TMEM45B: variants seen among roughly 807,000 people sequenced by gnomAD.
TMEM45B encodes transmembrane protein 45B.
Under a neutral mutation model 27.3 loss-of-function variants are expected in TMEM45B, and 29 were observed. The observed-to-expected ratio is 1.06, with a 90% CI of 0.79 to 1.45. TMEM45B has a LOEUF of 1.45. Ranked by LOEUF, TMEM45B falls within the 40% of genes most tolerant of loss-of-function variation. The pLI, the probability that TMEM45B is intolerant of heterozygous loss-of-function variation, is 0.00. For synonymous variants in TMEM45B, 143 were observed against 134.7 expected (o/e 1.06, Z -0.43); for missense variants, 348 against 343.9 (o/e 1.01, Z -0.09).
intron 1 of TMEM45B, among the ~76,000 whole-genome samples, chr11:129,835,855 C>T (rs763085675): frequency 2.6e-5 from 4 of 152,182 alleles, no homozygotes; most frequent in Non-Finnish European, 5.9e-5. Flanking sequence ...CAGTGGCTCA[C>T]GCCTGTAATC....
chr11:129,830,045 C>T (rs1266174726), intron 1 of TMEM45B, among the ~76,000 whole-genome samples: 1 of 152,204 alleles, frequency 6.6e-6, no homozygotes, highest in Non-Finnish European at 1.5e-5. Context: ...CAAAATAGAT[C>T]AGAGGTCAGG....
At chr11:129,830,757 T>C (rs911982636) in intron 1 of TMEM45B, among the ~76,000 whole-genome samples, 1 of 152,176 alleles carries the variant, frequency 6.6e-6, no homozygotes, top group Non-Finnish European at 1.5e-5. Context: ...AAAATACCAC[T>C]TCATACCCAC....
intron 5 of TMEM45B, among the ~76,000 whole-genome samples, chr11:129,857,715 A>G (rs1225162852): frequency 6.6e-6 from 1 of 152,198 alleles, no homozygotes; most frequent in Non-Finnish European, 1.5e-5. Context: ...TTTTAAGCCT[A>G]TGGTGTGGTG....
intron 1 of TMEM45B, among the ~76,000 whole-genome samples, chr11:129,820,190 C>G (rs1338894742): frequency 1.3e-5 from 2 of 152,002 alleles, no homozygotes; most frequent in Non-Finnish European, 2.9e-5. Context: ...TAGCAGGCGC[C>G]TATAGTCCCA....
chr11:129,827,975 A>C (rs1947505947), intron 1 of TMEM45B, among the ~76,000 whole-genome samples: 1 of 152,020 alleles, frequency 6.6e-6, no homozygotes, highest in South Asian at 2.1e-4. Context: ...GTCTCAAAAA[A>C]AAGAAACAAA....
chr11:129,822,903 C>T (rs1261644973), intron 1 of TMEM45B, among the ~76,000 whole-genome samples: 6 of 148,852 alleles, frequency 4.0e-5, no homozygotes, highest in Non-Finnish European at 7.4e-5. Flanking sequence ...TGCAGTGGCG[C>T]GATCTCAGCT....
intron 1 of TMEM45B, among the ~76,000 whole-genome samples, chr11:129,845,887 C>T (rs1404201922): frequency 6.6e-6 from 1 of 152,020 alleles, no homozygotes; most frequent in Non-Finnish European, 1.5e-5. Context: ...CTGGAAGCTG[C>T]AGCAAAAGGT....
At position 129,859,117 on chromosome 11, in the gene TMEM45B, G is replaced by A. The variant is rs1174136480; in HGVS notation, c.*432G>A. 1.3e-5 allele frequency: 2 copies of A among 152,374 alleles called. No homozygotes were observed. Among genetic ancestry groups the A allele is most frequent in the African/African-American group, 2.4e-5 (1 of 41,428 alleles). The allele number at this position is 152,374 out of a possible 1,614,324, so 9.4% of individuals were successfully genotyped here. On this transcript the variant is annotated 3_prime_UTR_variant, in exon 6 of 6. Coordinates refer to ENST00000281441, the MANE Select transcript of TMEM45B (RefSeq NM_138788.5). Reference sequence around the variant, plus strand: ...GCAGGTACTTTCTTATTAGAAATATGTTAGAATGTGTAAGCAAACGACAGT... The same window carrying A: ...GCAGGTACTTTCTTATTAGAAATATATTAGAATGTGTAAGCAAACGACAGT...
chr11:129,854,572 C>T (rs376108459), intron 2 of TMEM45B, 38 bp from the exon 3 acceptor site: 2 of 1,596,192 alleles, frequency 1.3e-6, no homozygotes, highest in Admixed American at 3.4e-5. Flanking sequence ...CTTAGAGCTA[C>T]TCTTCCCTCT....
chr11:129,821,953 GGTT>G (rs2135551745), intron 1 of TMEM45B, among the ~76,000 whole-genome samples: 1 of 152,068 alleles, frequency 6.6e-6, no homozygotes, highest in East Asian at 1.9e-4. Context: ...AGTTCTGAGT[GGTT>G]TTCTTCTGTT....
chr11:129,845,340 T>C (rs1316475314), intron 1 of TMEM45B, among the ~76,000 whole-genome samples: 1 of 66,708 alleles, frequency 1.5e-5, no homozygotes, highest in Admixed American at 1.6e-4. Context: ...ATTATAGATG[T>C]GTGTGTGTGT....
intron 1 of TMEM45B, among the ~76,000 whole-genome samples, chr11:129,835,155 A>G (rs1164751165): frequency 1.3e-5 from 2 of 152,226 alleles, no homozygotes; most frequent in Non-Finnish European, 2.9e-5. Flanking sequence ...CAAGCTAAAA[A>G]AGGAATTTTT....
chr11:129,849,421 A>G (rs544548979), intron 1 of TMEM45B, among the ~76,000 whole-genome samples: 1 of 152,300 alleles, frequency 6.6e-6, no homozygotes, highest in East Asian at 1.9e-4. Flanking sequence ...TCACCTTCTG[A>G]ACACACTGGG....
At chr11:129,856,895 C>T (rs7107768) in intron 4 of TMEM45B, among the ~76,000 whole-genome samples, 2,937 of 149,812 alleles carry the variant, frequency 0.02, 104 homozygotes, top group African/African-American at 0.07. Flanking sequence ...CACTGTGGCC[C>T]GGGCTGGTGT....
intron 1 of TMEM45B, among the ~76,000 whole-genome samples, chr11:129,823,175 A>T (rs1257845175): frequency 6.6e-6 from 1 of 152,144 alleles, no homozygotes; most frequent in Non-Finnish European, 1.5e-5. Flanking sequence ...AGAATTTGGG[A>T]CAGAATTTCT....
At chr11:129,851,099 G>A (rs892993585) in intron 1 of TMEM45B, among the ~76,000 whole-genome samples, 2 of 152,206 alleles carry the variant, frequency 1.3e-5, no homozygotes, top group Non-Finnish European at 2.9e-5. Flanking sequence ...CAAGATCAAG[G>A]CAGCAGCATC....
chr11:129,819,664 C>T (rs1480965181), intron 1 of TMEM45B, among the ~76,000 whole-genome samples: 2 of 152,030 alleles, frequency 1.3e-5, no homozygotes, highest in Admixed American at 6.6e-5. Context: ...TCAAGTGATT[C>T]TCCTGCCTCA....
rs1338093315 is a variant in TMEM45B, at chr11:129,837,088, C to T, written c.-8-15387C>T. On this transcript the variant is annotated intron_variant, in intron 1 of 5. Coordinates refer to ENST00000281441, the MANE Select transcript of TMEM45B (RefSeq NM_138788.5). ...TGCCGAGGCTGTGAGATCCTGCTCTCGCCCAGGCCTGCTTCCCAAAGCCCT... is the reference window on the plus strand; with the variant it reads ...TGCCGAGGCTGTGAGATCCTGCTCTTGCCCAGGCCTGCTTCCCAAAGCCCT... 5.3e-5 allele frequency among the ~76,000 whole-genome samples: 8 copies of T among 152,106 alleles called. No homozygotes were observed. In the East Asian group the frequency reaches 7.7e-4, roughly 15 times the overall value.
chr11:129,829,570 T>TATGG (rs952375168), intron 1 of TMEM45B, among the ~76,000 whole-genome samples: 4 of 152,208 alleles, frequency 2.6e-5, no homozygotes, highest in Non-Finnish European at 5.9e-5. Context: ...ACTCCCACCA[T>TATGG]ATGGATGATT....
Sources: gnomAD v4.1 joint callset for allele counts (sites outside exome capture counted in the v4.1 genomes callset) on GRCh38, gnomAD v4.1.1 for gene constraint, MANE v1.5 for transcripts, NCBI Gene and HGNC (gene_info 2026-07-23, HGNC 2026-07-21) for gene names.